Variants in PTPRM observed in about 807,000 individuals in gnomAD.
The protein encoded by PTPRM is protein tyrosine phosphatase receptor type M.
PTPRM carries 47 observed loss-of-function variants against 186.7 expected under a neutral mutation model. The observed-to-expected ratio is 0.25, with a 90% CI of 0.20 to 0.32. The LOEUF (loss-of-function observed/expected upper bound fraction) is 0.32. Among genes scored for constraint, PTPRM ranks in the 10% least tolerant of loss-of-function variants. PTPRM has a pLI of 1.00. For synonymous variants in PTPRM, 668 were observed against 674.9 expected, an observed-to-expected ratio of 0.99 and a Z score of 0.16; for missense variants, 1,494 against 1,865.0, an observed-to-expected ratio of 0.80 and a Z score of 3.66.
chr18:7,729,448 C>G (rs1462211370), intron 1 of PTPRM, among the ~76,000 whole-genome samples: 2 of 152,050 alleles, frequency 1.3e-5, no homozygotes, highest in African/African-American at 4.8e-5. Context: ...GTTATATTAT[C>G]TCTTCCTGGC....
chr18:8,342,480 A>T (rs627146), intron 22 of PTPRM, among the ~76,000 whole-genome samples: 1 of 151,678 alleles, frequency 6.6e-6, no homozygotes, highest in African/African-American at 2.4e-5. Flanking sequence ...CTCCAGCTCC[A>T]GCAATCTGAA....
At chr18:8,041,436 T>A (rs2086683489) in intron 7 of PTPRM, among the ~76,000 whole-genome samples, 1 of 151,042 alleles carries the variant, frequency 6.6e-6, no homozygotes, top group Non-Finnish European at 1.5e-5. Flanking sequence ...TTTGAGTTAG[T>A]CTGCACTGAG....
intron 19 of PTPRM, among the ~76,000 whole-genome samples, chr18:8,274,695 C>G (rs1352450560): frequency 1.3e-5 from 2 of 152,184 alleles, no homozygotes; most frequent in Non-Finnish European, 2.9e-5. Flanking sequence ...TATGCAGAGC[C>G]TTAGGGACAC....
intron 20 of PTPRM, among the ~76,000 whole-genome samples, chr18:8,296,895 A>T (rs2095103088): frequency 6.6e-6 from 1 of 152,192 alleles, no homozygotes; most frequent in South Asian, 2.1e-4. Context: ...CCCCATTTTA[A>T]GGACAGGAAA....
intron 1 of PTPRM, among the ~76,000 whole-genome samples, chr18:7,676,649 GTGTGTGTGTGTGTA>G (rs1243210787): frequency 1.3e-3 from 175 of 137,596 alleles, no homozygotes; most frequent in African/African-American, 5.3e-3. Context: ...GTGTGTGTGT[GTGTGTGTGTGTGTA>G]TGTGTGTGTG....
chr18:7,677,981 G>A (rs370936580), intron 1 of PTPRM, among the ~76,000 whole-genome samples: 5 of 151,990 alleles, frequency 3.3e-5, no homozygotes, highest in Admixed American at 6.6e-5. Context: ...CCTCACTGTC[G>A]TACTCCGGGC....
At chr18:7,923,060 C>T (rs1452701292) in intron 4 of PTPRM, among the ~76,000 whole-genome samples, 4 of 152,094 alleles carry the variant, frequency 2.6e-5, no homozygotes, top group East Asian at 1.9e-4. Context: ...AATTCTGCTG[C>T]GAGACACCAG....
intron 7 of PTPRM, among the ~76,000 whole-genome samples, chr18:8,033,566 G>C (rs1329715490): frequency 6.6e-6 from 1 of 152,100 alleles, no homozygotes; most frequent in African/African-American, 2.4e-5. Context: ...AATACTGAAG[G>C]CAACTGTAAC....
intron 21 of PTPRM, 89 bp downstream of exon 21, chr18:8,314,946 T>A (rs1221067680): frequency 1.2e-6 from 1 of 803,596 alleles, no homozygotes; most frequent in Admixed American, 2.5e-5. Context: ...ATACAATGCA[T>A]AATGATTAAA....
chr18:7,892,576 T>C (rs948101337), intron 3 of PTPRM, among the ~76,000 whole-genome samples: 2 of 152,214 alleles, frequency 1.3e-5, no homozygotes, highest in Non-Finnish European at 2.9e-5. Flanking sequence ...GAGCAGTAAA[T>C]GATTTGCCAA....
chr18:7,659,972 C>T (rs540476612), intron 1 of PTPRM, among the ~76,000 whole-genome samples: 8 of 152,298 alleles, frequency 5.3e-5, no homozygotes, highest in African/African-American at 1.9e-4. Context: ...TTGAAGATTT[C>T]CTCTCCATCC....
chr18:7,957,509 G>T (rs1217299915), intron 7 of PTPRM, among the ~76,000 whole-genome samples: 1 of 152,178 alleles, frequency 6.6e-6, no homozygotes, highest in African/African-American at 2.4e-5. Context: ...GCAGCCTGCA[G>T]TTGGCACTGT....
At chr18:7,629,450 G>A (rs994651931) in intron 1 of PTPRM, among the ~76,000 whole-genome samples, 6 of 152,158 alleles carry the variant, frequency 3.9e-5, no homozygotes, top group African/African-American at 1.4e-4. Context: ...TTAGGGTGGG[G>A]CCTGAACATC....
chr18:7,838,705 C>T (rs1378946578), intron 2 of PTPRM, among the ~76,000 whole-genome samples: 2 of 152,226 alleles, frequency 1.3e-5, no homozygotes, highest in African/African-American at 4.8e-5. Flanking sequence ...TGGGGCTCTA[C>T]AGTCAGCAGA....
intron 1 of PTPRM, among the ~76,000 whole-genome samples, chr18:7,608,468 TCTTTC>T (rs1001139389): frequency 5.3e-5 from 8 of 152,352 alleles, no homozygotes; most frequent in African/African-American, 1.7e-4. Context: ...ATTTTCTTTT[TCTTTC>T]CTTTGAAGCT....
At chr18:8,019,998 A>G (rs184002107) in intron 7 of PTPRM, among the ~76,000 whole-genome samples, 201 of 152,050 alleles carry the variant, frequency 1.3e-3, no homozygotes, top group Non-Finnish European at 2.0e-3. Flanking sequence ...TCTTTTTGAT[A>G]ATCTTAGGAT....
At chr18:8,118,480 C>T (rs576781972) in intron 13 of PTPRM, among the ~76,000 whole-genome samples, 1 of 152,112 alleles carries the variant, frequency 6.6e-6, no homozygotes, top group East Asian at 1.9e-4. Flanking sequence ...TGCTTCCCAG[C>T]ACGAATTTTT....
intron 13 of PTPRM, among the ~76,000 whole-genome samples, chr18:8,120,801 G>A (rs2092143320): frequency 6.6e-6 from 1 of 152,040 alleles, no homozygotes; most frequent in African/African-American, 2.4e-5. Context: ...GGCCTGCTCT[G>A]TTTTTCTATA....
At chr18:8,269,538 T>A (rs78979819) in intron 19 of PTPRM, among the ~76,000 whole-genome samples, 5,328 of 151,104 alleles carry the variant, frequency 0.035, 104 homozygotes, top group South Asian at 0.058. Context: ...GGAAAAAAAA[T>A]TCTAAAATTT....
Sources: gnomAD v4.1 joint callset for allele counts (sites outside exome capture counted in the v4.1 genomes callset) on GRCh38, gnomAD v4.1.1 for gene constraint, MANE v1.5 for transcripts, NCBI Gene and HGNC (gene_info 2026-07-23, HGNC 2026-07-21) for gene names.